The following FAM107B variants were observed in gnomAD, a reference collection of about 807,000 sequenced individuals.
FAM107B encodes protein FAM107B.
FAM107B carries 21 observed loss-of-function variants against 31.5 expected under a neutral mutation model. The observed-to-expected ratio is 0.67, with a 90% confidence interval of 0.47 to 0.96. The LOEUF (loss-of-function observed/expected upper bound fraction) is 0.96. Among genes scored for constraint, FAM107B ranks in the 40% least tolerant of loss-of-function variants. The pLI, the probability that FAM107B is intolerant of heterozygous loss-of-function variation, is 0.00. For missense variants in FAM107B, 452 were observed against 377.1 expected (o/e 1.20, Z -1.64); for synonymous variants, 157 against 141.5 (o/e 1.11, Z -0.78).
intron 3 of FAM107B, among the ~76,000 whole-genome samples, chr10:14,524,911 A>G (rs1846063332): frequency 6.6e-6 from 1 of 152,230 alleles, no homozygotes; most frequent in Admixed American, 6.5e-5. Context: ...GGGTTTAACT[A>G]TTACACAGTA....
chr10:14,564,005 C>T (rs183279910), intron 2 of FAM107B, among the ~76,000 whole-genome samples: 1 of 151,840 alleles, frequency 6.6e-6, no homozygotes, highest in Admixed American at 6.6e-5. Flanking sequence ...TTATAAATGG[C>T]CTTTTTATTA....
intron 1 of FAM107B, among the ~76,000 whole-genome samples, chr10:14,707,997 A>C (rs147399711): frequency 1.3e-5 from 2 of 152,310 alleles, no homozygotes; most frequent in African/African-American, 2.4e-5. Context: ...AAATTGTCCT[A>C]ACAATTATGT....
At chr10:14,561,179 A>G (rs1206334196) in intron 2 of FAM107B, among the ~76,000 whole-genome samples, 2 of 152,224 alleles carry the variant, frequency 1.3e-5, no homozygotes, top group Non-Finnish European at 2.9e-5. Context: ...GTCTGTGTCT[A>G]TTAAGTGCCA....
chr10:14,605,033 G>C (rs1852553979), intron 2 of FAM107B, among the ~76,000 whole-genome samples: 1 of 152,130 alleles, frequency 6.6e-6, no homozygotes, highest in Non-Finnish European at 1.5e-5. Context: ...GCGATGCTAA[G>C]AGGCCGTCCC....
chr10:14,712,440 A>G (rs1213263211), intron 1 of FAM107B, among the ~76,000 whole-genome samples: 1 of 151,922 alleles, frequency 6.6e-6, no homozygotes. Context: ...AAAATACAAA[A>G]AAAATTAGCC....
intron 2 of FAM107B, among the ~76,000 whole-genome samples, chr10:14,662,840 A>G (rs1331917619): frequency 2.6e-5 from 4 of 152,168 alleles, no homozygotes; most frequent in Non-Finnish European, 5.9e-5. Context: ...GGATTGAAGG[A>G]TGCAAAGTAT....
chr10:14,550,287 A>C (rs1564554970), intron 2 of FAM107B, among the ~76,000 whole-genome samples: 1 of 152,180 alleles, frequency 6.6e-6, no homozygotes, highest in African/African-American at 2.4e-5. Flanking sequence ...ACAAAGCCTT[A>C]ATAGTCACTC....
At chr10:14,660,011 C>G (rs1353080005) in intron 2 of FAM107B, among the ~76,000 whole-genome samples, 3 of 152,156 alleles carry the variant, frequency 2.0e-5, no homozygotes, top group African/African-American at 7.2e-5. Flanking sequence ...TGAAACTTGA[C>G]TAAATGCAGA....
chr10:14,722,159 A>G (rs1203987231), intron 1 of FAM107B, among the ~76,000 whole-genome samples: 1 of 152,220 alleles, frequency 6.6e-6, no homozygotes, highest in Non-Finnish European at 1.5e-5. Flanking sequence ...CATTACTCTA[A>G]AAAGAAACCT....
At chr10:14,541,720 A>G (rs1848223212) in intron 2 of FAM107B, among the ~76,000 whole-genome samples, 1 of 152,194 alleles carries the variant, frequency 6.6e-6, no homozygotes, top group Admixed American at 6.5e-5. Context: ...GCAGAAGGGA[A>G]AAGACCTCTG....
intron 2 of FAM107B, among the ~76,000 whole-genome samples, chr10:14,558,008 G>A (rs1455449868): frequency 6.6e-6 from 1 of 152,242 alleles, no homozygotes; most frequent in Non-Finnish European, 1.5e-5. Context: ...TTTAGAAAAA[G>A]ATCGAATTCG....
At chr10:14,629,417 T>A (rs1853276048) in intron 2 of FAM107B, among the ~76,000 whole-genome samples, 2 of 832 alleles carry the variant, frequency 2.4e-3, no homozygotes, top group African/African-American at 2.7e-3. Flanking sequence ...TTAATATATA[T>A]AATATATATA....
At chr10:14,657,163 T>C (rs1230498087) in intron 2 of FAM107B, among the ~76,000 whole-genome samples, 1 of 152,222 alleles carries the variant, frequency 6.6e-6, no homozygotes, top group Non-Finnish European at 1.5e-5. Flanking sequence ...CAATAAATGA[T>C]CTGTTAAATT....
intron 1 of FAM107B, among the ~76,000 whole-genome samples, chr10:14,692,799 G>A (rs568651538): frequency 6.6e-6 from 1 of 152,214 alleles, no homozygotes; most frequent in African/African-American, 2.4e-5. Context: ...TTGTCTTGCT[G>A]CACGGGCCGG....
Position 14,543,886 on chromosome 10 carries a change from G to A in FAM107B, c.470-13371C>T, listed in dbSNP as rs529255481. On this transcript the variant is annotated intron_variant, in intron 2 of 4. Transcript: ENST00000181796. The stretch of plus-strand genomic sequence containing the variant: ...CTCCACCACACAGGTTTATAACCAA[G>A]AGCCCTACAGCTCTTGTCCCACCCT... Among the ~76,000 whole-genome samples the A allele has an allele frequency of 1.6e-3, 245 of 152,208 alleles. 3 individuals are homozygous for A. Among genetic ancestry groups the A allele is most frequent in the African/African-American group, 5.7e-3 (238 of 41,520 alleles).
intron 2 of FAM107B, among the ~76,000 whole-genome samples, chr10:14,589,227 T>C (rs1851942109): frequency 6.8e-6 from 1 of 147,398 alleles, no homozygotes; most frequent in Admixed American, 6.8e-5. Flanking sequence ...TTTAAAAGAA[T>C]GGTCAAAGGA....
rs138042421 is a variant in FAM107B, at chr10:14,600,210, C to A, written c.469+67424G>T. 3.9e-5 allele frequency among the ~76,000 whole-genome samples: 6 copies of A among 152,316 alleles called. No individual in the cohort carries two copies. In the East Asian group the frequency reaches 9.6e-4, roughly 24 times the overall value. On this transcript the variant is annotated intron_variant, in intron 2 of 4. Transcript: ENST00000181796. Reference sequence around the variant, plus strand: ...AAGTCCTCACTTCTGGAATCCAGGCCAGCTCAGGACACCACGTCCTACCAC... The same window carrying A: ...AAGTCCTCACTTCTGGAATCCAGGCAAGCTCAGGACACCACGTCCTACCAC...
At chr10:14,642,938 A>C (rs1853664644) in intron 2 of FAM107B, among the ~76,000 whole-genome samples, 1 of 152,096 alleles carries the variant, frequency 6.6e-6, no homozygotes, top group African/African-American at 2.4e-5. Context: ...AATTGCCCTT[A>C]ATGTTCATAT....
intron 1 of FAM107B, among the ~76,000 whole-genome samples, chr10:14,668,140 C>G (rs933693797): frequency 3.3e-5 from 5 of 152,140 alleles, no homozygotes; most frequent in Non-Finnish European, 7.3e-5. Flanking sequence ...CTCCCTGGTT[C>G]AAGTGATTCT....
Sources: allele counts gnomAD v4.1 joint callset (sites outside exome capture counted in the v4.1 genomes callset), GRCh38; gene constraint gnomAD v4.1.1; transcripts MANE v1.5; gene names NCBI Gene and HGNC (gene_info 2026-07-23, HGNC 2026-07-21).